PRMT8: variants seen among roughly 807,000 people sequenced by gnomAD.
PRMT8 encodes the protein protein arginine methyltransferase 8, also known as protein arginine N-methyltransferase 8.
In PRMT8, 7 loss-of-function variants were observed where a neutral mutation model predicts 47.1. The observed-to-expected ratio is 0.15, with a 90% CI of 0.08 to 0.28. The LOEUF (loss-of-function observed/expected upper bound fraction) is 0.28. Among genes scored for constraint, PRMT8 ranks in the 10% least tolerant of loss-of-function variants. The pLI is 1.00. For missense variants in PRMT8, 237 were observed against 505.4 expected (o/e 0.47, Z 5.09); for synonymous variants, 188 against 186.5 (o/e 1.01, Z -0.07).
intron 8 of PRMT8, among the ~76,000 whole-genome samples, chr12:3,588,197 C>T (rs563488297): frequency 2.4e-4 from 37 of 152,356 alleles, no homozygotes; most frequent in Admixed American, 1.0e-3. Context: ...CAGCTCCTTT[C>T]TGCCATTGAC....
At chr12:3,400,668 C>A (rs1384067617) in intron 1 of PRMT8, among the ~76,000 whole-genome samples, 1 of 152,204 alleles carries the variant, frequency 6.6e-6, no homozygotes. Context: ...AGGAGGCCAA[C>A]ATTATCCTGA....
chr12:3,556,348 G>T (rs978510649), intron 4 of PRMT8, among the ~76,000 whole-genome samples: 6 of 152,070 alleles, frequency 3.9e-5, no homozygotes, highest in African/African-American at 1.4e-4. Context: ...CAGGGGAGAA[G>T]GGCAGCAAAG....
intron 1 of PRMT8, among the ~76,000 whole-genome samples, chr12:3,522,354 C>G (rs1013832685): frequency 6.6e-6 from 1 of 152,112 alleles, no homozygotes; most frequent in Non-Finnish European, 1.5e-5. Context: ...CAGCTCAGTG[C>G]TAATTACCAC....
At chr12:3,497,611 G>A (rs1425282737) in intron 1 of PRMT8, among the ~76,000 whole-genome samples, 1 of 152,154 alleles carries the variant, frequency 6.6e-6, no homozygotes, top group Non-Finnish European at 1.5e-5. Flanking sequence ...AATAGGAATA[G>A]CTAGGAGAGG....
At chr12:3,435,154 A>G (rs1469218489) in intron 1 of PRMT8, among the ~76,000 whole-genome samples, 1 of 151,824 alleles carries the variant, frequency 6.6e-6, no homozygotes, top group Non-Finnish European at 1.5e-5. Flanking sequence ...TTTTTAGTAG[A>G]GATGGGGTTT....
At chr12:3,586,078 T>A (rs189106652) in intron 8 of PRMT8, among the ~76,000 whole-genome samples, 220 of 152,236 alleles carry the variant, frequency 1.4e-3, no homozygotes, top group African/African-American at 5.1e-3. Flanking sequence ...CCAGGCTCTA[T>A]CCCTGCAGCT....
At chr12:3,510,900 C>T (rs892004141) in intron 1 of PRMT8, among the ~76,000 whole-genome samples, 1 of 152,178 alleles carries the variant, frequency 6.6e-6, no homozygotes, top group African/African-American at 2.4e-5. Context: ...ACATTCACTC[C>T]AGTTCCTCGG....
intron 4 of PRMT8, among the ~76,000 whole-genome samples, chr12:3,555,853 TG>T (rs1866518468): frequency 9.3e-6 from 1 of 107,294 alleles, no homozygotes; most frequent in Non-Finnish European, 2.1e-5. Flanking sequence ...CTTGGGCAAC[TG>T]GGTGGATGGG....
chr12:3,481,693 G>T (rs1865275418), intron 1 of PRMT8, among the ~76,000 whole-genome samples: 1 of 152,162 alleles, frequency 6.6e-6, no homozygotes, highest in Non-Finnish European at 1.5e-5. Flanking sequence ...CCTATGATGT[G>T]GTCCTGCAGG....
chr12:3,397,069 C>T (rs1333598338), intron 1 of PRMT8, among the ~76,000 whole-genome samples: 3 of 151,332 alleles, frequency 2.0e-5, no homozygotes, highest in Admixed American at 6.6e-5. Flanking sequence ...TCCATCAGCT[C>T]CTTTAAGCAC....
chr12:3,440,456 C>T (rs1202113558), intron 1 of PRMT8, among the ~76,000 whole-genome samples: 10 of 126,580 alleles, frequency 7.9e-5, no homozygotes, highest in Non-Finnish European at 1.2e-4. Context: ...AGCAAGACTC[C>T]GTCAAAACAA....
At position 3,580,025 on chromosome 12, in the gene PRMT8, G is replaced by A. The variant is rs983497914; in HGVS notation, c.829-3033G>A. ...GTAACTGGGGCTGATTTGGTTGGGG[G>A]TTGGGGAACCTGAGCCCAGAGGACC... is the stretch of plus-strand genomic sequence containing the variant. On this transcript the variant is annotated intron_variant, in intron 7 of 9. Transcript: ENST00000382622. This position sits in a 1 kb window ranked among gnomAD's most constrained non-coding sequence, Gnocchi z 4.6. 8.5e-5 allele frequency among the ~76,000 whole-genome samples: 13 copies of A among 152,068 alleles called. No individual in the cohort carries two copies. Among genetic ancestry groups the A allele is most frequent in the African/African-American group, 3.1e-4 (13 of 41,400 alleles).
At chr12:3,529,346 T>G (rs1322657300) in intron 1 of PRMT8, among the ~76,000 whole-genome samples, 1 of 152,200 alleles carries the variant, frequency 6.6e-6, no homozygotes, top group Non-Finnish European at 1.5e-5. Context: ...GTTCAATATC[T>G]CAAAACCTAT....
chr12:3,568,998 G>A, intron 5 of PRMT8, 150 bp downstream of exon 5: 1 of 1,115,802 alleles, frequency 9.0e-7, no homozygotes, highest in Admixed American at 2.4e-5. Context: ...GAGCAGATCT[G>A]TATCAGGGAA....
At position 3,566,336 on chromosome 12, in the gene PRMT8, G is replaced by A. The variant is rs938956719; in HGVS notation, c.482-2370G>A. 5.9e-5 allele frequency among the ~76,000 whole-genome samples: 9 copies of A among 152,130 alleles called. No individual in the cohort carries two copies. The highest frequency in any genetic ancestry group is 2.2e-4 in the African/African-American group (9 of 41,404). The stretch of plus-strand genomic sequence containing the variant: ...TGAGTTCCTGCCCTGGGGTCTCTGA[G>A]ACCCAGAGAAACTTCAACACCTACC... On this transcript the variant is annotated intron_variant, in intron 4 of 9. Transcript: ENST00000382622. This position sits in a 1 kb window ranked among gnomAD's most constrained non-coding sequence, Gnocchi z 4.7.
intron 1 of PRMT8, among the ~76,000 whole-genome samples, chr12:3,450,698 C>T (rs1864907120): frequency 6.6e-6 from 1 of 152,204 alleles, no homozygotes; most frequent in Admixed American, 6.5e-5. Flanking sequence ...TGCTTTTCCT[C>T]AAGACAACTA....
chr12:3,540,613 G>GCCCCCCCCCC lies in PRMT8; in HGVS notation c.90_91insCCCCCCCCCC (p.Ser31ProfsTer14). 5 of 1,130,520 alleles carry GCCCCCCCCCC rather than the reference G, an allele frequency of 4.4e-6. No individual in the cohort carries two copies. The highest frequency in any genetic ancestry group is 3.8e-5 in the South Asian group (3 of 78,808). The allele number at this position is 1,130,520 out of a possible 1,614,324, so 70.0% of individuals were successfully genotyped here. On this transcript the variant is annotated frameshift_variant, in exon 2 of 10. Coordinates refer to ENST00000382622, the MANE Select transcript of PRMT8 (RefSeq NM_019854.5). LOFTEE classifies it high-confidence loss of function. Reference sequence around the variant, plus strand: ...CCCTTCTCTTCCCCTCAGGTGAACAGCCCCCCCTCCCAGCCCCCCCAGCCC... The same window carrying GCCCCCCCCCC: ...CCCTTCTCTTCCCCTCAGGTGAACAGCCCCCCCCCCCCCCCCCTCCCAGCCCCCCCAGCCC...
chr12:3,553,665 T>G lies in PRMT8; in HGVS notation c.432T>G (p.Ser144Arg). Residue 144 changes from serine to arginine, a missense_variant, in exon 4 of 10, where the codon AGT becomes AGG. This residue lies in a region of PRMT8 where 151 missense variants were observed against 341.1 expected (regional missense o/e 0.44). Transcript: ENST00000382622. ...AKKVFGIECS[S>R]ISDYSEKIIK... ...GCCCTTTCCAGATCGAATGCTCCAG[T>G]ATTTCTGACTACTCAGAGAAGATCA... The G allele has an allele frequency of 6.2e-7, 1 of 1,607,306 alleles. No homozygotes were observed. The highest frequency in any genetic ancestry group is 8.5e-7 in the Non-Finnish European group (1 of 1,173,800).
intron 1 of PRMT8, among the ~76,000 whole-genome samples, chr12:3,459,340 G>T (rs1251399811): frequency 6.6e-6 from 1 of 151,884 alleles, no homozygotes; most frequent in Admixed American, 6.6e-5. Context: ...CTTTTTTTCT[G>T]CCTATTAGCC....
Sources: gnomAD v4.1 joint callset for allele counts (sites outside exome capture counted in the v4.1 genomes callset) on GRCh38, gnomAD v4.1.1 for gene constraint, gnomAD v4.1.1 regional missense constraint, Gnocchi (gnomAD v3.1) non-coding constraint, MANE v1.5 for transcripts, NCBI Gene and HGNC (gene_info 2026-07-23, HGNC 2026-07-21) for gene names.